MYO5A: variants seen among roughly 807,000 people sequenced by gnomAD.
MYO5A encodes the protein myosin VA.
In MYO5A, 98 loss-of-function variants were observed where a neutral mutation model predicts 249.7. The observed-to-expected ratio is 0.39, with a 90% CI of 0.33 to 0.46. The LOEUF is 0.46. Among genes scored for constraint, MYO5A ranks in the 20% least tolerant of loss-of-function variants. MYO5A has a pLI of 0.98. For missense variants in MYO5A, 1,696 were observed against 2,308.8 expected, an observed-to-expected ratio of 0.73 and a Z score of 5.44; for synonymous variants, 778 against 810.6, an observed-to-expected ratio of 0.96 and a Z score of 0.68.
chr15:52,422,573 T>C (rs1206758465), intron 4 of MYO5A, among the ~76,000 whole-genome samples: 1 of 152,206 alleles, frequency 6.6e-6, no homozygotes, highest in East Asian at 1.9e-4. Flanking sequence ...CTTAAAAATA[T>C]ACCCAGAATC....
At position 52,389,344 on chromosome 15, in the gene MYO5A, T is replaced by C; in HGVS notation, c.1562A>G (p.Asp521Gly). Residue 521 changes from aspartate (D) to glycine (G), a missense_variant, in exon 13 of 42, where the codon GAC (aspartate) becomes GGC (glycine). Asp to Gly is a moderately conservative substitution (Grantham distance 94). Transcript: ENST00000399233. The part of the protein sequence containing the change: ...EECKMPKGTD[D>G]TWAQKLYNTH... ...GTTGTACAATTTTTGGGCCCAGGTG[T>C]CATCTGTGCCTTTAGGCATCTATAT... 1.2e-6 allele frequency: 2 copies of C among 1,612,660 alleles called. No homozygotes were observed. Among genetic ancestry groups the C allele is most frequent in the Non-Finnish European group, 1.7e-6 (2 of 1,178,822 alleles).
chr15:52,495,952 G>A (rs1791725492), intron 1 of MYO5A, among the ~76,000 whole-genome samples: 1 of 152,022 alleles, frequency 6.6e-6, no homozygotes, highest in African/African-American at 2.4e-5. Context: ...GGCAGGGGGA[G>A]GGATAGCATT....
chr15:52,333,916 G>T (rs536366717), intron 34 of MYO5A, among the ~76,000 whole-genome samples: 2 of 152,218 alleles, frequency 1.3e-5, no homozygotes, highest in Admixed American at 1.3e-4. Flanking sequence ...CTTTATTTGG[G>T]GTAGAAGCAG....
chr15:52,343,221 T>C (rs1476488527), intron 30 of MYO5A, 24 bp from the exon 31 acceptor site: 39 of 1,584,132 alleles, frequency 2.5e-5, no homozygotes, highest in Non-Finnish European at 3.3e-5. Context: ...GGAACAACAA[T>C]GCAAAACACA....
At chr15:52,476,061 A>C (rs1216083247) in intron 1 of MYO5A, among the ~76,000 whole-genome samples, 2 of 152,070 alleles carry the variant, frequency 1.3e-5, no homozygotes, top group Non-Finnish European at 2.9e-5. Flanking sequence ...TTGCTTTTTG[A>C]ATCTGGGTGC....
At chr15:52,408,036 T>C (rs2043086167) in intron 7 of MYO5A, 23 bp downstream of exon 7, 2 of 1,454,752 alleles carry the variant, frequency 1.4e-6, no homozygotes, top group African/African-American at 2.8e-5. Context: ...ACCAGAACAA[T>C]AAATTTAATG....
chr15:52,429,110 A>G (rs563481476), intron 2 of MYO5A, among the ~76,000 whole-genome samples: 157 of 152,348 alleles, frequency 1.0e-3, no homozygotes, highest in African/African-American at 3.8e-3. Context: ...TTAAACCACT[A>G]GATACCCAAG....
Position 52,348,089 on chromosome 15 carries a change from C to T in MYO5A, c.3858+729G>A, listed in dbSNP as rs964230965. Reference sequence around the variant, plus strand: ...AAGAAAGGCTTCTTAGTATGCTTCTCTCCTGGGTGGTAAGTCACCAGTTCT... The same window carrying T: ...AAGAAAGGCTTCTTAGTATGCTTCTTTCCTGGGTGGTAAGTCACCAGTTCT... On this transcript the variant is annotated intron_variant, in intron 29 of 41. Coordinates refer to ENST00000399233, the MANE Select transcript of MYO5A (RefSeq NM_001382347.1). 2.0e-5 allele frequency among the ~76,000 whole-genome samples: 3 copies of T among 152,328 alleles called. No homozygotes were observed. The South Asian group carries it at 6.2e-4, about 32-fold the overall frequency.
intron 36 of MYO5A, among the ~76,000 whole-genome samples, chr15:52,326,159 G>A (rs533332677): frequency 6.6e-6 from 1 of 152,310 alleles, no homozygotes; most frequent in South Asian, 2.1e-4. Flanking sequence ...TGAGACAAAT[G>A]CACATTAATT....
At chr15:52,359,704 A>G (rs983224623) in intron 25 of MYO5A, among the ~76,000 whole-genome samples, 2 of 152,264 alleles carry the variant, frequency 1.3e-5, no homozygotes, top group East Asian at 3.8e-4. Flanking sequence ...GAATTATAAA[A>G]ATAAAATCTC....
chr15:52,369,763 G>T (rs774652742), intron 22 of MYO5A, among the ~76,000 whole-genome samples: 1 of 151,270 alleles, frequency 6.6e-6, no homozygotes, highest in Non-Finnish European at 1.5e-5. Context: ...TCAAAAAATT[G>T]CAACCTTAGG....
chr15:52,336,107 T>A (rs2140975143), intron 34 of MYO5A, among the ~76,000 whole-genome samples: 1 of 152,254 alleles, frequency 6.6e-6, no homozygotes, highest in South Asian at 2.1e-4. Context: ...TTGCCCAATA[T>A]CATATGATTA....
At position 52,346,355 on chromosome 15, in the gene MYO5A, A is replaced by T; in HGVS notation, c.3959+6T>A. The T allele has an allele frequency of 6.5e-7, 1 of 1,533,408 alleles. No homozygotes were observed. Among genetic ancestry groups the T allele is most frequent in the South Asian group, 1.1e-5 (1 of 88,984 alleles). The allele number at this position is 1,533,408 out of a possible 1,614,324, so 95.0% of individuals were successfully genotyped here. ...ACCAAAATGAATAAAAGAAGGATCAACTTACCTATTTGTTTCTTTCAAACC... is the reference window on the plus strand; with the variant it reads ...ACCAAAATGAATAAAAGAAGGATCATCTTACCTATTTGTTTCTTTCAAACC... On this transcript the variant is annotated splice_donor_region_variant and intron_variant, in intron 30 of 41. Transcript: ENST00000399233.
At chr15:52,364,448 G>A (rs2040707489) in intron 24 of MYO5A, 106 bp downstream of exon 24, 1 of 1,037,280 alleles carries the variant, frequency 9.6e-7, no homozygotes, top group African/African-American at 1.6e-5. Context: ...TTCTGGAACT[G>A]GGTGGTAGGT....
chr15:52,362,673 G>A (rs2040592078), intron 24 of MYO5A, among the ~76,000 whole-genome samples: 1 of 152,196 alleles, frequency 6.6e-6, no homozygotes, highest in Non-Finnish European at 1.5e-5. Flanking sequence ...ACACATGACT[G>A]AGAAATAAGA....
intron 1 of MYO5A, among the ~76,000 whole-genome samples, chr15:52,493,380 G>T (rs1184647767): frequency 6.6e-6 from 1 of 152,064 alleles, no homozygotes; most frequent in African/African-American, 2.4e-5. Flanking sequence ...TTTATTACTG[G>T]AGCTGGGCAT....
intron 36 of MYO5A, 72 bp downstream of exon 36, chr15:52,327,780 G>A (rs1485755428): frequency 7.0e-7 from 1 of 1,427,960 alleles, no homozygotes; most frequent in East Asian, 2.3e-5. Flanking sequence ...CTCTAAGGAA[G>A]GAAGATCAAT....
chr15:52,379,583 A>G, intron 18 of MYO5A, 42 bp downstream of exon 18: 1 of 1,560,688 alleles, frequency 6.4e-7, no homozygotes, highest in Non-Finnish European at 8.8e-7. Context: ...TCAGAACCAC[A>G]AGGCCTTCTG....
Position 52,520,449 on chromosome 15 carries a change from T to C in MYO5A, c.27+8331A>G, listed in dbSNP as rs149741238. Among the ~76,000 whole-genome samples, 168 of 152,310 alleles carry C rather than the reference T, an allele frequency of 1.1e-3. 4 individuals carry two copies. In the East Asian group the frequency reaches 0.025, roughly 23 times the overall value. On this transcript the variant is annotated intron_variant, in intron 1 of 41. Coordinates refer to ENST00000399233, the MANE Select transcript of MYO5A (RefSeq NM_001382347.1). ...CCCAGTGCTGTAAGATCATGTGATCTGCAGGTGCCACTGACCATCTTTTCA... is the reference window on the plus strand; with the variant it reads ...CCCAGTGCTGTAAGATCATGTGATCCGCAGGTGCCACTGACCATCTTTTCA...
Sources: allele counts gnomAD v4.1 joint callset (sites outside exome capture counted in the v4.1 genomes callset), GRCh38; gene constraint gnomAD v4.1.1; transcripts MANE v1.5; gene names NCBI Gene and HGNC (gene_info 2026-07-23, HGNC 2026-07-21).